CFDP1: variants seen among roughly 807,000 people sequenced by gnomAD.
CFDP1 encodes chromatin remodeling protein CFDP1.
Under a neutral mutation model 40.1 loss-of-function variants are expected in CFDP1, and 31 were observed. The observed-to-expected ratio is 0.77, with a 90% CI of 0.58 to 1.04. The LOEUF is 1.04. CFDP1 is among the 50% of genes least tolerant of loss of function. CFDP1 has a pLI of 0.00. For missense variants in CFDP1, 423 were observed against 343.4 expected (o/e 1.23, Z -1.83); for synonymous variants, 167 against 120.0 (o/e 1.39, Z -2.56).
intron 2 of CFDP1, among the ~76,000 whole-genome samples, chr16:75,413,299 T>C (rs1324235012): frequency 2.0e-5 from 3 of 152,194 alleles, no homozygotes; most frequent in Non-Finnish European, 2.9e-5. Context: ...CCAGGCGCAG[T>C]GGCTCACACC....
chr16:75,294,093 T>TC, intron 6 of CFDP1, 51 bp from the exon 7 acceptor site: 1 of 1,375,838 alleles, frequency 7.3e-7, no homozygotes, highest in Non-Finnish European at 1.0e-6. Flanking sequence ...GAAAAACTCC[T>TC]CCCCTGCACA....
At chr16:75,385,456 C>A (rs1373233323) in intron 5 of CFDP1, among the ~76,000 whole-genome samples, 2 of 151,646 alleles carry the variant, frequency 1.3e-5, no homozygotes, top group African/African-American at 4.9e-5. Flanking sequence ...ACAACAACAA[C>A]AGCAACAACA....
At chr16:75,418,171 T>G (rs557325864) in intron 1 of CFDP1, among the ~76,000 whole-genome samples, 1 of 146,674 alleles carries the variant, frequency 6.8e-6, no homozygotes, top group South Asian at 2.1e-4. Context: ...GAGAATTGCT[T>G]GAACCTGGGG....
chr16:75,360,699 TAA>T (rs1288763408), intron 5 of CFDP1, among the ~76,000 whole-genome samples: 2 of 152,202 alleles, frequency 1.3e-5, no homozygotes, highest in Non-Finnish European at 2.9e-5. Flanking sequence ...CCACACAGAA[TAA>T]GTCTTATTAA....
At position 75,300,676 on chromosome 16, in the gene CFDP1, C is replaced by A. The variant is rs141485347; in HGVS notation, c.809+4348G>T. 1.5e-3 allele frequency among the ~76,000 whole-genome samples: 228 copies of A among 152,188 alleles called. 2 individuals are homozygous for A. The highest frequency in any genetic ancestry group is 5.2e-3 in the African/African-American group (216 of 41,530). ...GAAGGTTCTGTTTATGGAGGGAAAG[C>A]AAGTATTTGGTTTTGAAAGTTAAGT... On this transcript the variant is annotated intron_variant, in intron 6 of 6. Transcript: ENST00000283882.
intron 6 of CFDP1, among the ~76,000 whole-genome samples, chr16:75,300,236 C>T (rs1213704205): frequency 6.6e-6 from 1 of 152,114 alleles, no homozygotes; most frequent in Non-Finnish European, 1.5e-5. Context: ...ATGAAACCAT[C>T]AATTGGACTT....
At chr16:75,380,387 T>C (rs1186940216) in intron 5 of CFDP1, among the ~76,000 whole-genome samples, 1 of 151,994 alleles carries the variant, frequency 6.6e-6, no homozygotes, top group African/African-American at 2.4e-5. Context: ...GCTGAAATAG[T>C]GGTTACAGCC....
intron 5 of CFDP1, among the ~76,000 whole-genome samples, chr16:75,308,758 C>T (rs1288446623): frequency 1.3e-5 from 2 of 152,226 alleles, no homozygotes; most frequent in Non-Finnish European, 2.9e-5. Flanking sequence ...GCCACCTCTC[C>T]CCTTCAGCCT....
rs538290891 is a variant in CFDP1, at chr16:75,330,196, AC to A, written c.651-25015del. ...CATGACTACTTCAGTAATTATCCACACATTATGGCTTGGAGATAAACTGAAA... is the reference window on the plus strand; with the variant it reads ...CATGACTACTTCAGTAATTATCCACAATTATGGCTTGGAGATAAACTGAAA... On this transcript the variant is annotated intron_variant, in intron 5 of 6. Coordinates refer to ENST00000283882, the MANE Select transcript of CFDP1 (RefSeq NM_006324.3). 2.9e-3 allele frequency among the ~76,000 whole-genome samples: 448 copies of A among 152,294 alleles called. 1 individual carries two copies. Among genetic ancestry groups the A allele is most frequent in the Non-Finnish European group, 5.3e-3 (358 of 68,032 alleles).
intron 1 of CFDP1, among the ~76,000 whole-genome samples, chr16:75,431,665 A>C (rs1469806077): frequency 2.0e-5 from 3 of 151,870 alleles, no homozygotes; most frequent in African/African-American, 7.3e-5. Context: ...CTGAATACTG[A>C]TCTAACTAAA....
intron 1 of CFDP1, among the ~76,000 whole-genome samples, chr16:75,415,005 T>C (rs1478872371): frequency 6.6e-6 from 1 of 152,236 alleles, no homozygotes; most frequent in Non-Finnish European, 1.5e-5. Flanking sequence ...ACCCTGTTCA[T>C]TGTGACTTTT....
At chr16:75,344,295 A>G (rs1020440953) in intron 5 of CFDP1, among the ~76,000 whole-genome samples, 1 of 152,240 alleles carries the variant, frequency 6.6e-6, no homozygotes, top group Non-Finnish European at 1.5e-5. Flanking sequence ...AACACTGTGT[A>G]TGTACGAAAT....
At chr16:75,384,597 A>G (rs2078877381) in intron 5 of CFDP1, among the ~76,000 whole-genome samples, 1 of 152,106 alleles carries the variant, frequency 6.6e-6, no homozygotes, top group Non-Finnish European at 1.5e-5. Flanking sequence ...CCCACTTCTA[A>G]AATTCTGTCC....
chr16:75,313,920 T>C (rs2078309742), intron 5 of CFDP1, among the ~76,000 whole-genome samples: 1 of 151,970 alleles, frequency 6.6e-6, no homozygotes, highest in Non-Finnish European at 1.5e-5. Flanking sequence ...AGCCTTGCTC[T>C]GTTGCCCAAG....
intron 5 of CFDP1, among the ~76,000 whole-genome samples, chr16:75,353,785 T>C (rs2078628595): frequency 6.9e-6 from 1 of 144,548 alleles, no homozygotes; most frequent in African/African-American, 2.6e-5. Flanking sequence ...AAGTCATTAA[T>C]GGTTAATTAC....
At chr16:75,430,431 A>T (rs1329918555) in intron 1 of CFDP1, among the ~76,000 whole-genome samples, 1 of 148,980 alleles carries the variant, frequency 6.7e-6, no homozygotes. Context: ...ACAGCCTCCC[A>T]AAGTGCTGGG....
At position 75,327,826 on chromosome 16, in the gene CFDP1, C is replaced by T. The variant is rs372102192; in HGVS notation, c.651-22644G>A. Among the ~76,000 whole-genome samples the T allele has an allele frequency of 2.1e-4, 32 of 152,192 alleles. No individual in the cohort carries two copies. In the South Asian group the frequency reaches 3.3e-3, roughly 16 times the overall value. ...GCAAGCTCTACTTTTAGGGTTCAAG[C>T]GATTCTCCTGCCTCAGCCTCCCGAA... On this transcript the variant is annotated intron_variant, in intron 5 of 6. Transcript: ENST00000283882.
chr16:75,396,115 C>T (rs1597381050), intron 4 of CFDP1, among the ~76,000 whole-genome samples: 1 of 103,588 alleles, frequency 9.7e-6, no homozygotes, highest in African/African-American at 2.9e-5. Flanking sequence ...ACACTGCACC[C>T]CACATGCAGA....
Position 75,328,530 on chromosome 16 carries a change from C to T in CFDP1, c.651-23348G>A, listed in dbSNP as rs1278307175. 1.7e-4 allele frequency among the ~76,000 whole-genome samples: 22 copies of T among 128,590 alleles called. No individual in the cohort carries two copies. The South Asian group carries it at 5.5e-3, about 32-fold the overall frequency. The allele number at this position is 128,590 out of a possible 152,430, so 84.4% of individuals were successfully genotyped here. A position where few individuals can be genotyped will look rare whatever the true frequency, so the allele number is the denominator to read the frequency against. The stretch of plus-strand genomic sequence containing the variant: ...AGGAGAATCGCTTGAACCCGGGAGG[C>T]GGAGGGCGCAGTGAGCCAAGATCAT... On this transcript the variant is annotated intron_variant, in intron 5 of 6. Coordinates refer to ENST00000283882, the MANE Select transcript of CFDP1 (RefSeq NM_006324.3).
Sources: allele counts gnomAD v4.1 joint callset (sites outside exome capture counted in the v4.1 genomes callset), GRCh38; gene constraint gnomAD v4.1.1; transcripts MANE v1.5; gene names NCBI Gene and HGNC (gene_info 2026-07-23, HGNC 2026-07-21).